Variants in NPAT observed in about 807,000 individuals in gnomAD.
NPAT encodes nuclear protein, coactivator of histone transcription.
NPAT carries 52 observed loss-of-function variants against 130.7 expected under a neutral mutation model. That is an observed-to-expected ratio of 0.40 (90% CI 0.32 to 0.50). The LOEUF (loss-of-function observed/expected upper bound fraction) is 0.50. NPAT is among the 20% of genes least tolerant of loss of function. NPAT has a pLI of 0.68. For missense variants in NPAT, 1,687 were observed against 1,662.6 expected (o/e 1.01, Z -0.26); for synonymous variants, 580 against 584.8 (o/e 0.99, Z 0.12).
At chr11:108,165,337 C>G (rs1006906661) in intron 15 of NPAT, among the ~76,000 whole-genome samples, 1 of 150,966 alleles carries the variant, frequency 6.6e-6, no homozygotes, top group African/African-American at 2.4e-5. Context: ...GTCTCAAACT[C>G]CTGGGCTCGC....
intron 2 of NPAT, among the ~76,000 whole-genome samples, chr11:108,194,561 T>C (rs928797817): frequency 1.3e-5 from 2 of 152,244 alleles, no homozygotes; most frequent in African/African-American, 4.8e-5. Flanking sequence ...CATGTTGCTT[T>C]CTATTGCTGA....
chr11:108,208,074 G>C (rs899054462), intron 1 of NPAT, among the ~76,000 whole-genome samples: 2 of 152,188 alleles, frequency 1.3e-5, no homozygotes, highest in Non-Finnish European at 2.9e-5. Context: ...GTTTCAGATT[G>C]TTCTCCCTTT....
At chr11:108,192,740 G>A (rs1245860071) in intron 3 of NPAT, among the ~76,000 whole-genome samples, 1 of 152,312 alleles carries the variant, frequency 6.6e-6, no homozygotes, top group Middle Eastern at 3.4e-3. Context: ...CAGATCATGA[G>A]GTCAGGAGTT....
At chr11:108,174,564 TAAAAAAAAAA>T (rs561166671) in intron 12 of NPAT, among the ~76,000 whole-genome samples, 3,031 of 103,966 alleles carry the variant, frequency 0.029, 124 homozygotes, top group African/African-American at 0.099. Context: ...GAGAAGATCT[TAAAAAAAAAA>T]AAAAAAAAAG....
In NPAT at chr11:108,158,516, A is replaced by C. The variant is rs1443657735; in HGVS notation, c.*426T>G. On this transcript the variant is annotated 3_prime_UTR_variant, in exon 18 of 18. Coordinates refer to ENST00000278612, the MANE Select transcript of NPAT (RefSeq NM_002519.3). ...GTCTTATTGAATAGTTACTGAAGGT[A>C]ATTTATAAGAATAAGCATCATTTTC... 1 of 160,432 alleles carries C rather than the reference A, an allele frequency of 6.2e-6. No individual in the cohort carries two copies. The highest frequency in any genetic ancestry group is 1.8e-4 in the East Asian group (1 of 5,482). The allele number at this position is 160,432 out of a possible 1,614,324, so 9.9% of individuals were successfully genotyped here. A position where few individuals can be genotyped will look rare whatever the true frequency, so the allele number is the denominator to read the frequency against.
At chr11:108,186,308 C>T (rs1472429205) in intron 8 of NPAT, among the ~76,000 whole-genome samples, 174 bp downstream of exon 8, 1 of 152,158 alleles carries the variant, frequency 6.6e-6, no homozygotes, top group Admixed American at 6.6e-5. Context: ...TTTGCCATAG[C>T]ACCTGGCCAG....
chr11:108,177,155 T>C, intron 10 of NPAT, 65 bp from the exon 11 acceptor site: 1 of 732,116 alleles, frequency 1.4e-6, no homozygotes, highest in African/African-American at 1.8e-5. Context: ...ACATATTATA[T>C]ATATATAAGA....
At chr11:108,160,812 G>C in intron 17 of NPAT, 68 bp downstream of exon 17, 1 of 1,401,940 alleles carries the variant, frequency 7.1e-7, no homozygotes, top group South Asian at 1.2e-5. Flanking sequence ...GGCAAGAACT[G>C]CTGAATTCGC....
chr11:108,162,229 A>C, intron 15 of NPAT, 49 bp from the exon 16 acceptor site: 11 of 1,481,600 alleles, frequency 7.4e-6, no homozygotes, highest in African/African-American at 1.4e-5. Flanking sequence ...ACTCCTCTGA[A>C]AGAGGATAGA....
chr11:108,210,248 G>A (rs933651240), intron 1 of NPAT, among the ~76,000 whole-genome samples: 14 of 152,138 alleles, frequency 9.2e-5, no homozygotes, highest in African/African-American at 3.4e-4. Context: ...AGACCCTCAT[G>A]TAGTTTAGAT....
intron 1 of NPAT, among the ~76,000 whole-genome samples, chr11:108,210,994 G>A (rs530670725): frequency 1.3e-5 from 2 of 152,282 alleles, no homozygotes; most frequent in South Asian, 2.1e-4. Flanking sequence ...GCCGAGGTGG[G>A]TGGATCATGA....
chr11:108,221,111 T>C (rs952031871), intron 1 of NPAT, among the ~76,000 whole-genome samples: 2 of 152,184 alleles, frequency 1.3e-5, no homozygotes, highest in African/African-American at 2.4e-5. Flanking sequence ...TAGGGCTTTC[T>C]TAACTAGGGG....
At chr11:108,181,101 G>A (rs572797138) in intron 10 of NPAT, among the ~76,000 whole-genome samples, 3 of 152,320 alleles carry the variant, frequency 2.0e-5, no homozygotes, top group Admixed American at 1.3e-4. Flanking sequence ...AAATTCACGT[G>A]TTGAAGTCCC....
chr11:108,181,284 C>A (rs916086269), intron 10 of NPAT, among the ~76,000 whole-genome samples: 1 of 152,090 alleles, frequency 6.6e-6, no homozygotes, highest in Non-Finnish European at 1.5e-5. Context: ...GCCGACATGG[C>A]AAAACCCTGT....
chr11:108,176,644 TA>T (rs1189202928), intron 11 of NPAT, among the ~76,000 whole-genome samples: 1 of 152,220 alleles, frequency 6.6e-6, no homozygotes, highest in African/African-American at 2.4e-5. Flanking sequence ...CTTTGAGAAC[TA>T]CTGCACTAAA....
At chr11:108,194,946 C>T (rs2078206172) in intron 2 of NPAT, among the ~76,000 whole-genome samples, 1 of 152,124 alleles carries the variant, frequency 6.6e-6, no homozygotes, top group South Asian at 2.1e-4. Context: ...GTCTCAGCCT[C>T]CCGAGTAGCT....
At chr11:108,222,114 T>C (rs2078516988) in intron 1 of NPAT, among the ~76,000 whole-genome samples, 1 of 152,118 alleles carries the variant, frequency 6.6e-6, no homozygotes, top group East Asian at 1.9e-4. Context: ...ATTTGCCCTA[T>C]TTTGGTCCCA....
chr11:108,196,888 C>G (rs2078227011), intron 2 of NPAT, among the ~76,000 whole-genome samples: 1 of 152,108 alleles, frequency 6.6e-6, no homozygotes, highest in South Asian at 2.1e-4. Context: ...TGATGTAGTT[C>G]TGGAAGGTAT....
intron 1 of NPAT, among the ~76,000 whole-genome samples, chr11:108,200,297 G>A (rs1162320026): frequency 6.6e-6 from 1 of 152,164 alleles, no homozygotes; most frequent in Non-Finnish European, 1.5e-5. Context: ...GTGACTGTGA[G>A]GGATGTCTCA....
Sources: gnomAD v4.1 joint callset for allele counts (sites outside exome capture counted in the v4.1 genomes callset) on GRCh38, gnomAD v4.1.1 for gene constraint, MANE v1.5 for transcripts, NCBI Gene and HGNC (gene_info 2026-07-23, HGNC 2026-07-21) for gene names.